Variants in TMEM126B observed in about 807,000 individuals in gnomAD.
TMEM126B encodes the protein complex I assembly factor TMEM126B, mitochondrial.
A neutral mutation model predicts 16.5 loss-of-function variants in TMEM126B; 19 were observed. The observed-to-expected ratio is 1.15, with a 90% confidence interval of 0.80 to 1.69. The LOEUF is 1.69. TMEM126B is among the 40% of genes most tolerant of loss of function. The pLI is 0.00. For missense variants in TMEM126B, 293 were observed against 278.7 expected (o/e 1.05, Z -0.37); for synonymous variants, 104 against 93.2 (o/e 1.12, Z -0.67).
chr11:85,635,202 C>T (rs1160089643), intron 3 of TMEM126B: 2 of 152,552 alleles, frequency 1.3e-5, no homozygotes, highest in Non-Finnish European at 2.9e-5. Context: ...ACAGGCAGAT[C>T]ACTTGAGGTC....
At chr11:85,630,042 G>C (rs1386511259) in intron 1 of TMEM126B, among the ~76,000 whole-genome samples, 1 of 152,148 alleles carries the variant, frequency 6.6e-6, no homozygotes, top group African/African-American at 2.4e-5. Flanking sequence ...ATAATGAACT[G>C]GCCTTCTATA....
intron 4 of TMEM126B, 43 bp downstream of exon 4, chr11:85,635,821 C>CTTTTTTTTTTTTTTTTTTTTTT (rs58671332): frequency 7.0e-5 from 61 of 869,666 alleles, no homozygotes; most frequent in South Asian, 2.4e-4. Flanking sequence ...CTTTTCTTTT[C>CTTTTTTTTTTTTTTTTTTTTTT]TTTTTTTTTT....
At chr11:85,632,150 A>G (rs537471878) in intron 2 of TMEM126B, among the ~76,000 whole-genome samples, 1 of 152,408 alleles carries the variant, frequency 6.6e-6, no homozygotes, top group Non-Finnish European at 1.5e-5. Context: ...GTGAGTAATT[A>G]TAATCAGTTT....
chr11:85,634,236 T>C lies in TMEM126B; in HGVS notation c.354T>C (p.Thr118=). 6.2e-7 allele frequency: 1 copy of C among 1,613,742 alleles called. No homozygotes were observed. Among genetic ancestry groups the C allele is most frequent in the South Asian group, 1.1e-5 (1 of 91,018 alleles). ...ASLATLPFLS[T]VVTDKLFVID... Reference sequence around the variant, plus strand: ...TGGCTACACTTCCATTTTTGTCTACTGTTGTTACTGACAAGCTTTTTGTAA... The same window carrying C: ...TGGCTACACTTCCATTTTTGTCTACCGTTGTTACTGACAAGCTTTTTGTAA... Residue 118 remains threonine (T), a synonymous_variant, in exon 3 of 5, where the codon ACT becomes ACC. Transcript: ENST00000358867.
chr11:85,634,342 T>C (rs751633680), intron 3 of TMEM126B, 63 bp downstream of exon 3: 60 of 1,105,992 alleles, frequency 5.4e-5, no homozygotes, highest in Middle Eastern at 5.0e-4. Flanking sequence ...TATTAACATA[T>C]ACTGTTGCTA....
rs575245936 is a variant in TMEM126B, at chr11:85,633,684, A to T, written c.204-402A>T. On this transcript the variant is annotated intron_variant, in intron 2 of 4. Coordinates refer to ENST00000358867, the MANE Select transcript of TMEM126B (RefSeq NM_018480.7). ...AAATAGAAGGCCTAACCAAATGTAAACAGCTTTTTTTTAGATGAACTTAAG... is the reference window on the plus strand; with the variant it reads ...AAATAGAAGGCCTAACCAAATGTAATCAGCTTTTTTTTAGATGAACTTAAG... Among the ~76,000 whole-genome samples the T allele has an allele frequency of 3.9e-5, 6 of 152,352 alleles. No individual in the cohort carries two copies. In the South Asian group the frequency reaches 1.0e-3, roughly 26 times the overall value.
Position 85,636,529 on chromosome 11 carries a change from T to C in TMEM126B, c.*300T>C, listed in dbSNP as rs1414583899. On this transcript the variant is annotated 3_prime_UTR_variant, in exon 5 of 5. Transcript: ENST00000358867. ...AAAAGTTTCATCTTTCCTCTTTGTA[T>C]GTGGAAATGGGTTTGGGCTTTAAGG... 2 of 175,442 alleles carry C rather than the reference T, an allele frequency of 1.1e-5. No individual in the cohort carries two copies. The highest frequency in any genetic ancestry group is 4.7e-5 in the African/African-American group (2 of 42,182). The allele number at this position is 175,442 out of a possible 1,614,324, so 10.9% of individuals were successfully genotyped here.
Position 85,634,165 on chromosome 11 carries a change from C to T in TMEM126B, c.283C>T (p.Arg95Cys), listed in dbSNP as rs149900599. 4.8e-5 allele frequency: 78 copies of T among 1,613,680 alleles called. No homozygotes were observed. The African/African-American group carries it at 8.9e-4, about 18-fold the overall frequency. Residue 95 changes from arginine to cysteine, a missense_variant, in exon 3 of 5, where the codon CGC (arginine) becomes TGC (cysteine). Coordinates refer to ENST00000358867, the MANE Select transcript of TMEM126B (RefSeq NM_018480.7). ...SGIFSNFLFR[R>C]CFKVKHDALK... ...AATATTCTCAAACTTCCTGTTCAGA[C>T]GCTGCTTCAAGGTTAAACATGATGC...
At chr11:85,633,276 T>C (rs1283377627) in intron 2 of TMEM126B, among the ~76,000 whole-genome samples, 1 of 152,194 alleles carries the variant, frequency 6.6e-6, no homozygotes, top group Non-Finnish European at 1.5e-5. Context: ...TGTGCATGTG[T>C]CTTTATAGCA....
At chr11:85,631,874 T>G in intron 2 of TMEM126B, 66 bp downstream of exon 2, 1 of 1,481,642 alleles carries the variant, frequency 6.7e-7, no homozygotes, top group East Asian at 2.4e-5. Context: ...TGCCATTGTT[T>G]CTAAGATCCT....
At chr11:85,635,827 T>TC (rs750203092) in intron 4 of TMEM126B, 49 bp downstream of exon 4, 24 of 1,320,312 alleles carry the variant, frequency 1.8e-5, no homozygotes, top group Non-Finnish European at 2.5e-5. Flanking sequence ...TTTTCTTTTT[T>TC]TTTTTTTTTT....
intron 2 of TMEM126B, among the ~76,000 whole-genome samples, chr11:85,632,599 A>G (rs1011997598): frequency 9.9e-5 from 15 of 150,986 alleles, no homozygotes; most frequent in African/African-American, 3.2e-4. Flanking sequence ...TGGACAAATT[A>G]TTTTATTTTA....
chr11:85,634,836 T>C (rs2082369726), intron 3 of TMEM126B: 1 of 152,510 alleles, frequency 6.6e-6, no homozygotes, highest in South Asian at 2.1e-4. Context: ...TTCAGGTTCC[T>C]GCTTAAGTAT....
At chr11:85,632,573 G>A (rs1376717754) in intron 2 of TMEM126B, among the ~76,000 whole-genome samples, 1 of 152,058 alleles carries the variant, frequency 6.6e-6, no homozygotes, top group Non-Finnish European at 1.5e-5. Flanking sequence ...TTTTTTGGAT[G>A]AAGTTTTATA....
chr11:85,628,713 G>T, intron 1 of TMEM126B, 25 bp downstream of exon 1: 2 of 1,532,690 alleles, frequency 1.3e-6, no homozygotes, highest in South Asian at 1.2e-5. Flanking sequence ...GAAGTGGTAT[G>T]GGGGGTGATT....
chr11:85,632,618 T>C (rs1214622657), intron 2 of TMEM126B, among the ~76,000 whole-genome samples: 2 of 152,036 alleles, frequency 1.3e-5, no homozygotes, highest in Non-Finnish European at 1.5e-5. Context: ...TATTTTATTT[T>C]ATTTCATTTT....
In TMEM126B at chr11:85,631,688, T is replaced by C. The variant is rs115581134; in HGVS notation, c.83T>C (p.Val28Ala). Residue 28 changes from valine (V) to alanine (A), a missense_variant and splice_region_variant, in exon 2 of 5, where the codon GTT (valine) becomes GCT (alanine). Coordinates refer to ENST00000358867, the MANE Select transcript of TMEM126B (RefSeq NM_018480.7). ...TGGCTCTGGAATTTTTTTTTCCAGG[T>C]TTTCAAGATGGCAGCATCTATGCAT... Reference protein sequence around the residue: ...VPVGTEEAPKVFKMAASMHGQ... With the variant: ...VPVGTEEAPKAFKMAASMHGQ... 4.7e-4 allele frequency: 754 copies of C among 1,607,026 alleles called. 2 individuals are homozygous for C. In the African/African-American group the frequency reaches 8.6e-3, roughly 18 times the overall value.
Position 85,631,801 on chromosome 11 carries a change from A to C in TMEM126B, c.196A>C (p.Lys66Gln). 1 of 1,603,968 alleles carries C rather than the reference A, an allele frequency of 6.2e-7. No homozygotes were observed. Among genetic ancestry groups the C allele is most frequent in the South Asian group, 1.1e-5 (1 of 88,764 alleles). The part of the protein sequence containing the change: ...IIEKNFDYLR[K>Q]EMTQNIYQMA... Reference sequence around the variant, plus strand: ...AGAAAAAAATTTTGACTATCTTAGAAAAGAAATGTAAGAGAAATGCCCAGG... The same window carrying C: ...AGAAAAAAATTTTGACTATCTTAGACAAGAAATGTAAGAGAAATGCCCAGG... Residue 66 changes from lysine (K) to glutamine (Q), a missense_variant, in exon 2 of 5, where the codon AAA becomes CAA. Physicochemically the swap from Lys to Gln is moderately conservative, Grantham distance 53. Transcript: ENST00000358867.
At chr11:85,635,243 T>C (rs1212527191) in intron 3 of TMEM126B, among the ~76,000 whole-genome samples, 1 of 152,050 alleles carries the variant, frequency 6.6e-6, no homozygotes, top group African/African-American at 2.4e-5. Context: ...GCCAACACAG[T>C]CTCTACTAAA....
Sources: allele counts gnomAD v4.1 joint callset (sites outside exome capture counted in the v4.1 genomes callset), GRCh38; gene constraint gnomAD v4.1.1; transcripts MANE v1.5; gene names NCBI Gene and HGNC (gene_info 2026-07-23, HGNC 2026-07-21).